The following BLK variants were observed in gnomAD, a reference collection of about 807,000 sequenced individuals.
BLK encodes BLK proto-oncogene, Src family tyrosine kinase.
Under a neutral mutation model 61.8 loss-of-function variants are expected in BLK, and 64 were observed. That is an observed-to-expected ratio of 1.03 (90% CI 0.85 to 1.27). The LOEUF is 1.27. Among genes scored for constraint, BLK ranks in the 50% most tolerant of loss-of-function variants. The pLI is 0.00. For synonymous variants in BLK, 351 were observed against 272.0 expected (o/e 1.29, Z -2.86); for missense variants, 853 against 660.5 (o/e 1.29, Z -3.19).
chr8:11,560,035 T>C (rs1449516390), intron 10 of BLK: 1 of 348,610 alleles, frequency 2.9e-6, no homozygotes, highest in African/African-American at 2.2e-5. Context: ...TGCCCAGATA[T>C]ATTTAGTACT....
chr8:11,558,281 G>C (rs557682908), intron 10 of BLK, among the ~76,000 whole-genome samples: 1 of 152,176 alleles, frequency 6.6e-6, no homozygotes, highest in Non-Finnish European at 1.5e-5. Flanking sequence ...CCTTAGACCC[G>C]GGCTGCTGTG....
intron 1 of BLK, among the ~76,000 whole-genome samples, chr8:11,498,130 C>T (rs1238994821): frequency 6.6e-6 from 1 of 152,190 alleles, no homozygotes; most frequent in Admixed American, 6.5e-5. Context: ...GGCCTTTTTG[C>T]ACACTTTGGC....
chr8:11,562,747 T>C (rs981251028), intron 11 of BLK, among the ~76,000 whole-genome samples: 1 of 152,204 alleles, frequency 6.6e-6, no homozygotes, highest in African/African-American at 2.4e-5. Flanking sequence ...GGTGACTGTG[T>C]GGTATTGGTG....
At chr8:11,535,309 A>AAAGC (rs890735521) in intron 1 of BLK, among the ~76,000 whole-genome samples, 3 of 143,988 alleles carry the variant, frequency 2.1e-5, no homozygotes, top group Non-Finnish European at 3.1e-5. Context: ...AGAAAGAAAG[A>AAAGC]AAGAAAGAAA....
chr8:11,526,707 A>T (rs1799667593), intron 1 of BLK, among the ~76,000 whole-genome samples: 1 of 152,240 alleles, frequency 6.6e-6, no homozygotes, highest in Admixed American at 6.5e-5. Flanking sequence ...GGACAGAGCA[A>T]GACTCTGTCT....
chr8:11,564,367 T>C lies in BLK; in HGVS notation c.*259T>C, dbSNP rs1734444181. On this transcript the variant is annotated 3_prime_UTR_variant, in exon 13 of 13. Coordinates refer to ENST00000259089, the MANE Select transcript of BLK (RefSeq NM_001715.3). ...AGTGACCTCGCACGGTCATCCGGAGTACTAAGCCCCAGTAAGGTGTTCAGG... is the reference window on the plus strand; with the variant it reads ...AGTGACCTCGCACGGTCATCCGGAGCACTAAGCCCCAGTAAGGTGTTCAGG... 1.5e-6 allele frequency: 1 copy of C among 684,880 alleles called. No individual in the cohort carries two copies. Among genetic ancestry groups the C allele is most frequent in the South Asian group, 1.5e-5 (1 of 66,634 alleles). 42.4% of individuals were successfully genotyped at this position (684,880 alleles called of 1,614,324 possible). A position where few individuals can be genotyped will look rare whatever the true frequency, so the allele number is the denominator to read the frequency against.
chr8:11,535,261 G>GA (rs769872213), intron 1 of BLK, among the ~76,000 whole-genome samples: 4 of 110,534 alleles, frequency 3.6e-5, no homozygotes, highest in South Asian at 3.5e-4. Flanking sequence ...AAGAAAGAAA[G>GA]AAGAAAGAAA....
intron 9 of BLK, 114 bp downstream of exon 9, chr8:11,556,951 G>A (rs748579067): frequency 1.5e-5 from 17 of 1,169,388 alleles, no homozygotes; most frequent in Middle Eastern, 2.8e-4. Flanking sequence ...TGCAGATCTA[G>A]GGCATGGCAC....
intron 1 of BLK, among the ~76,000 whole-genome samples, chr8:11,497,999 T>C (rs1490988629): frequency 6.6e-6 from 1 of 152,212 alleles, no homozygotes; most frequent in Non-Finnish European, 1.5e-5. Context: ...GCCCAAGACA[T>C]AGACGAGGCT....
chr8:11,498,409 G>T (rs1295865174), intron 1 of BLK, among the ~76,000 whole-genome samples: 1 of 152,144 alleles, frequency 6.6e-6, no homozygotes, highest in African/African-American at 2.4e-5. Flanking sequence ...TGTGTAGGTG[G>T]GTACTTACAG....
intron 8 of BLK, chr8:11,556,327 T>C: frequency 5.2e-6 from 2 of 388,338 alleles, no homozygotes; most frequent in Admixed American, 7.3e-5. Context: ...CAAGGAGTTA[T>C]TGTGTGATAG....
rs11776201 is a variant in BLK, at chr8:11,563,389, G to A, written c.1312+279G>A. 0.93 allele frequency among the ~76,000 whole-genome samples: 141,463 copies of A among 152,278 alleles called. 66,063 individuals are homozygous for A. Among genetic ancestry groups the A allele is most frequent in the East Asian group, 0.98 (5,065 of 5,162 alleles). On this transcript the variant is annotated intron_variant, in intron 12 of 12. Transcript: ENST00000259089. ...ACATCCGAACTCAAGTTTACTCCCA[G>A]TGGCTTGTTCTCAGTTGAGGACAGG...
At chr8:11,532,942 GA>G (rs1270419056) in intron 1 of BLK, among the ~76,000 whole-genome samples, 1 of 152,218 alleles carries the variant, frequency 6.6e-6, no homozygotes, top group African/African-American at 2.4e-5. Context: ...CCTTCAGCAA[GA>G]CCTTAAGCCT....
intron 1 of BLK, among the ~76,000 whole-genome samples, chr8:11,539,347 A>C (rs2409784): frequency 0.52 from 78,431 of 151,972 alleles, 21,505 homozygotes; most frequent in East Asian, 0.99. Flanking sequence ...GATCCAGCAC[A>C]TTTTTTTTAG....
chr8:11,554,716 T>C (rs1363182279), intron 6 of BLK, 27 bp from the exon 7 acceptor site: 2 of 1,611,464 alleles, frequency 1.2e-6, no homozygotes, highest in African/African-American at 2.7e-5. Context: ...GCCTTACTTC[T>C]CGTGTGTGTC....
In BLK at chr8:11,555,431, C is replaced by A. The variant is rs773896490; in HGVS notation, c.719C>A (p.Ser240Tyr). Residue 240 changes from serine (S) to tyrosine (Y), a missense_variant, in exon 8 of 13, where the codon TCT (serine) becomes TAT (tyrosine). Physicochemically the swap from Ser to Tyr is moderately radical, Grantham distance 144. Transcript: ENST00000259089. ...GATGAATGGGAGATCCCCCGGCAGT[C>A]TCTCAGGCTGGTCAGGAAACTCGGG... The part of the protein sequence containing the change: ...AQDEWEIPRQ[S>Y]LRLVRKLGSG... 6.2e-7 allele frequency: 1 copy of A among 1,614,196 alleles called. No homozygotes were observed. Among genetic ancestry groups the A allele is most frequent in the South Asian group, 1.1e-5 (1 of 91,074 alleles).
Position 11,564,390 on chromosome 8 carries a change from A to G in BLK, c.*282A>G, listed in dbSNP as rs1801632497. On this transcript the variant is annotated 3_prime_UTR_variant, in exon 13 of 13. Transcript: ENST00000259089. ...AGTACTAAGCCCCAGTAAGGTGTTC[A>G]GGACTGGTAAGCGACTGTCATCAAG... 1 of 655,808 alleles carries G rather than the reference A, an allele frequency of 1.5e-6. No homozygotes were observed. Among genetic ancestry groups the G allele is most frequent in the Non-Finnish European group, 2.8e-6 (1 of 354,818 alleles). The allele number at this position is 655,808 out of a possible 1,614,324, so 40.6% of individuals were successfully genotyped here.
At chr8:11,555,778 G>T (rs1206880167) in intron 8 of BLK, 2 of 478,670 alleles carry the variant, frequency 4.2e-6, no homozygotes, top group African/African-American at 3.9e-5. Flanking sequence ...ACAATGAGCT[G>T]CAGCGGCGCG....
At chr8:11,558,676 G>T (rs1316466619) in intron 10 of BLK, 1 of 456,246 alleles carries the variant, frequency 2.2e-6, no homozygotes, top group East Asian at 6.9e-5. Context: ...TGGACTCCAT[G>T]GGGTGAAGAG....
Sources: allele counts gnomAD v4.1 joint callset (sites outside exome capture counted in the v4.1 genomes callset), GRCh38; gene constraint gnomAD v4.1.1; transcripts MANE v1.5; gene names NCBI Gene and HGNC (gene_info 2026-07-23, HGNC 2026-07-21).